Variants in RTN4R observed in about 807,000 individuals in gnomAD.
RTN4R encodes reticulon 4 receptor.
A neutral mutation model predicts 27.7 loss-of-function variants in RTN4R; 4 were observed. The ratio of observed to expected loss-of-function variants is 0.14; its 90% CI spans 0.07 to 0.33. The LOEUF (loss-of-function observed/expected upper bound fraction) is 0.33. Ranked by LOEUF, RTN4R falls within the 10% of genes least tolerant of loss-of-function variation. The probability of loss-of-function intolerance (pLI) is 1.00; values close to 1 mark genes in which losing one functional copy is unlikely to be tolerated. For missense variants in RTN4R, 554 were observed against 671.5 expected, an observed-to-expected ratio of 0.83 and a Z score of 1.93; for synonymous variants, 290 against 305.6, an observed-to-expected ratio of 0.95 and a Z score of 0.53.
chr22:20,260,206 C>T (rs1017454534), intron 1 of RTN4R, among the ~76,000 whole-genome samples: 2 of 152,128 alleles, frequency 1.3e-5, no homozygotes, highest in African/African-American at 4.8e-5. Flanking sequence ...TCATCTGTAG[C>T]CCCCACGGGA....
Position 20,242,294 on chromosome 22 carries a change from C to T in RTN4R, c.839G>A (p.Gly280Asp). The T allele has an allele frequency of 6.2e-7, 1 of 1,602,628 alleles. No homozygotes were observed. Among genetic ancestry groups the T allele is most frequent in the Non-Finnish European group, 8.5e-7 (1 of 1,175,802 alleles). The change falls in exon 2 of 2, where the codon GGC becomes GAC. Residue 280 changes from glycine (G) to aspartate (D), a missense_variant. Around this residue, in one of 2 missense-constraint regions of RTN4R, gnomAD observed 413 missense variants for 542.3 expected, o/e 0.76. Transcript: ENST00000043402. ...PLWAWLQKFR[G>D]SSSEVPCSLP... ...GCTGCAGGGCACCTCGGAGGAGGAG[C>T]CGCGGAACTTCTGCAGCCAGGCCCA...
At chr22:20,267,478 T>A (rs1442604505) in intron 1 of RTN4R, 3 of 363,200 alleles carry the variant, frequency 8.3e-6, no homozygotes, top group Non-Finnish European at 1.7e-5. Context: ...CCTCTCAATG[T>A]CCCTCGGGCT....
chr22:20,242,914 T>G lies in RTN4R; in HGVS notation c.219A>C (p.Pro73=). ...TGCGGCAGGCACGGAAGCTGGCAGC[T>G]GGCACATGCGAGATGCGGTTGCCGT... ...FLHGNRISHV[P]AASFRACRNL... Residue 73 remains proline, a synonymous_variant, in exon 2 of 2, where the codon CCA becomes CCC. Coordinates refer to ENST00000043402, the MANE Select transcript of RTN4R (RefSeq NM_023004.6). 6.2e-7 allele frequency: 1 copy of G among 1,608,052 alleles called. No individual in the cohort carries two copies. The highest frequency in any genetic ancestry group is 8.5e-7 in the Non-Finnish European group (1 of 1,178,186).
chr22:20,252,028 A>G (rs1366258670), intron 1 of RTN4R, among the ~76,000 whole-genome samples: 1 of 135,146 alleles, frequency 7.4e-6, no homozygotes, highest in African/African-American at 2.8e-5. Flanking sequence ...TCATCCCATC[A>G]CTATCATCAC....
chr22:20,262,891 T>A (rs1052270515), intron 1 of RTN4R, among the ~76,000 whole-genome samples: 2 of 152,094 alleles, frequency 1.3e-5, no homozygotes, highest in African/African-American at 4.8e-5. Flanking sequence ...AAAGGCAACA[T>A]CTCAACAAGG....
At position 20,242,863 on chromosome 22, in the gene RTN4R, C is replaced by A; in HGVS notation, c.270G>T (p.Ser90=). The change falls in exon 2 of 2, where the codon TCG becomes TCT. Residue 90 remains serine (S), a synonymous_variant. Coordinates refer to ENST00000043402, the MANE Select transcript of RTN4R (RefSeq NM_023004.6). The part of the protein sequence containing the change: ...CRNLTILWLH[S]NVLARIDAAA... ...CCGCATCAATTCGGGCCAGCACATT[C>A]GAGTGCAGCCACAGGATGGTGAGGT... 1.9e-6 allele frequency: 3 copies of A among 1,613,052 alleles called. No homozygotes were observed. Among genetic ancestry groups the A allele is most frequent in the Non-Finnish European group, 2.5e-6 (3 of 1,179,916 alleles).
chr22:20,266,289 G>T (rs1179190369), intron 1 of RTN4R, among the ~76,000 whole-genome samples: 1 of 152,250 alleles, frequency 6.6e-6, no homozygotes, highest in Non-Finnish European at 1.5e-5. Context: ...TGGTGGCCAG[G>T]GGAGCAGGAG....
chr22:20,253,145 C>T (rs912789657), intron 1 of RTN4R, among the ~76,000 whole-genome samples: 6 of 152,224 alleles, frequency 3.9e-5, no homozygotes, highest in African/African-American at 1.4e-4. Flanking sequence ...AGGCAGGATC[C>T]TGGCTGCATC....
Position 20,244,482 on chromosome 22 carries a change from A to G in RTN4R, c.23-1372T>C, listed in dbSNP as rs540641747. ...ATAGGTCCTCAGACCCCCTCCCCAC[A>G]GCCTGGGGGCCTCCTCTGCCAAACC... On this transcript the variant is annotated intron_variant, in intron 1 of 1. Transcript: ENST00000043402. Among the ~76,000 whole-genome samples the G allele has an allele frequency of 2.0e-5, 3 of 152,246 alleles. No individual in the cohort carries two copies. In the East Asian group the frequency reaches 5.8e-4, roughly 29 times the overall value.
chr22:20,245,182 G>A (rs2074069570), intron 1 of RTN4R, among the ~76,000 whole-genome samples: 1 of 152,228 alleles, frequency 6.6e-6, no homozygotes, highest in Admixed American at 6.5e-5. Flanking sequence ...ACATGGGGGA[G>A]TGGCCACGTG....
At chr22:20,267,648 T>TG in intron 1 of RTN4R, 1 of 467,058 alleles carries the variant, frequency 2.1e-6, no homozygotes. Flanking sequence ...ACCGTGAGGC[T>TG]GGGGTGGAGG....
At chr22:20,266,844 G>A (rs1201693040) in intron 1 of RTN4R, among the ~76,000 whole-genome samples, 1 of 152,258 alleles carries the variant, frequency 6.6e-6, no homozygotes, top group African/African-American at 2.4e-5. Context: ...ACATGATCAC[G>A]CGCACAGACA....
intron 1 of RTN4R, chr22:20,243,479 T>G: frequency 1.9e-6 from 1 of 524,516 alleles, no homozygotes. Context: ...AGAGCCCGCA[T>G]TGCAGGAGTC....
intron 1 of RTN4R, among the ~76,000 whole-genome samples, chr22:20,251,829 TATC>T (rs1011902936): frequency 4.8e-5 from 4 of 83,220 alleles, no homozygotes; most frequent in Admixed American, 1.2e-4. Flanking sequence ...TCACCATCAT[TATC>T]ATCATCACCA....
intron 1 of RTN4R, among the ~76,000 whole-genome samples, chr22:20,252,523 G>A (rs1345159848): frequency 6.6e-6 from 1 of 152,164 alleles, no homozygotes; most frequent in Non-Finnish European, 1.5e-5. Context: ...ACTGACTGAG[G>A]CAAGTGCCTT....
At chr22:20,253,948 A>G (rs1284287937) in intron 1 of RTN4R, among the ~76,000 whole-genome samples, 2 of 152,248 alleles carry the variant, frequency 1.3e-5, no homozygotes, top group African/African-American at 4.8e-5. Flanking sequence ...AGACAAATAT[A>G]GGTTGAACAT....
At chr22:20,243,606 G>T in intron 1 of RTN4R, 1 of 432,608 alleles carries the variant, frequency 2.3e-6, no homozygotes, top group South Asian at 1.7e-5. Flanking sequence ...CGAGGGCGGG[G>T]GTGGAGGGCA....
At position 20,242,935 on chromosome 22, in the gene RTN4R, G is replaced by C; in HGVS notation, c.198C>G (p.Gly66=). The C allele has an allele frequency of 1.2e-6, 2 of 1,612,300 alleles. No individual in the cohort carries two copies. Among genetic ancestry groups the C allele is most frequent in the Non-Finnish European group, 1.7e-6 (2 of 1,179,582 alleles). The change falls in exon 2 of 2, where the codon GGC becomes GGG. Residue 66 remains glycine (G), a synonymous_variant. Coordinates refer to ENST00000043402, the MANE Select transcript of RTN4R (RefSeq NM_023004.6). The stretch of plus-strand genomic sequence containing the variant: ...CAGCTGGCACATGCGAGATGCGGTT[G>C]CCGTGCAGGAAGATGCGCTGGCTGG... ...PAASQRIFLH[G]NRISHVPAAS...
chr22:20,268,102 TG>T lies in RTN4R; in HGVS notation c.-11del. On this transcript the variant is annotated 5_prime_UTR_variant, in exon 1 of 2. Transcript: ENST00000043402. ...CGGACGCCCTCTTCATCGTAGGGGT[TG>T]GGCGGGGCGCGTCGGGGACTGAAAG... 1 of 1,117,792 alleles carries T rather than the reference TG, an allele frequency of 8.9e-7. No homozygotes were observed. Among genetic ancestry groups the T allele is most frequent in the South Asian group, 3.3e-5 (1 of 30,488 alleles). 69.2% of individuals were successfully genotyped at this position (1,117,792 alleles called of 1,614,324 possible).
Sources: gnomAD v4.1 joint callset for allele counts (sites outside exome capture counted in the v4.1 genomes callset) on GRCh38, gnomAD v4.1.1 for gene constraint, gnomAD v4.1.1 regional missense constraint, MANE v1.5 for transcripts, NCBI Gene and HGNC (gene_info 2026-07-23, HGNC 2026-07-21) for gene names.